Variants in TGFBI observed in about 807,000 individuals in gnomAD.
The protein encoded by TGFBI is transforming growth factor beta induced.
TGFBI carries 50 observed loss-of-function variants against 73.7 expected under a neutral mutation model. The ratio of observed to expected loss-of-function variants is 0.68; its 90% CI spans 0.54 to 0.86. The LOEUF is 0.86. Among genes scored for constraint, TGFBI ranks in the 40% least tolerant of loss-of-function variants. The pLI is 0.00. For synonymous variants in TGFBI, 362 were observed against 360.5 expected (o/e 1.00, Z -0.05); for missense variants, 839 against 877.0 (o/e 0.96, Z 0.55).
intron 7 of TGFBI, among the ~76,000 whole-genome samples, chr5:136,050,210 G>A (rs1427340673): frequency 6.6e-6 from 1 of 151,960 alleles, no homozygotes; most frequent in Non-Finnish European, 1.5e-5. Context: ...GTGGGCACCT[G>A]TAATCCCAGT....
At chr5:136,061,648 C>A (rs752861303) in intron 15 of TGFBI, 69 bp downstream of exon 15, 7 of 1,305,698 alleles carry the variant, frequency 5.4e-6, no homozygotes, top group African/African-American at 4.4e-5. Flanking sequence ...CATAGAGGAG[C>A]CTCTCCAGCC....
At chr5:136,056,141 T>G (rs1751627336) in intron 11 of TGFBI, among the ~76,000 whole-genome samples, 1 of 152,216 alleles carries the variant, frequency 6.6e-6, no homozygotes, top group African/African-American at 2.4e-5. Context: ...GCACATAGTT[T>G]ACAGTGCACG....
intron 2 of TGFBI, among the ~76,000 whole-genome samples, chr5:136,035,236 C>T (rs1751192439): frequency 6.6e-6 from 1 of 152,194 alleles, no homozygotes; most frequent in African/African-American, 2.4e-5. Flanking sequence ...ATTCAGCTAA[C>T]AGACACCCAG....
intron 1 of TGFBI, among the ~76,000 whole-genome samples, chr5:136,030,463 G>T (rs905508258): frequency 1.3e-5 from 2 of 152,104 alleles, no homozygotes; most frequent in African/African-American, 4.8e-5. Context: ...GGCCTGCTGG[G>T]AGCACATCTG....
chr5:136,056,457 A>G, intron 11 of TGFBI: 2 of 591,562 alleles, frequency 3.4e-6, no homozygotes, highest in Non-Finnish European at 5.9e-6. Context: ...AGAGCTTAGC[A>G]TTTTTGCTGG....
intron 3 of TGFBI, among the ~76,000 whole-genome samples, chr5:136,045,192 A>G (rs1751407173): frequency 6.6e-6 from 1 of 152,104 alleles, no homozygotes; most frequent in Non-Finnish European, 1.5e-5. Context: ...CGATCACCTG[A>G]GCCAAGAATT....
rs1311315252 is a variant in TGFBI, at chr5:136,055,771, C to T, written c.1502C>T (p.Pro501Leu). The T allele has an allele frequency of 1.2e-6, 2 of 1,612,596 alleles. No individual in the cohort carries two copies. The highest frequency in any genetic ancestry group is 2.2e-5 in the East Asian group (1 of 44,848). Reference sequence around the variant, plus strand: ...ACGATGGACCGGGTGCTGACCCCCCCAATGGGGACTGTCATGGATGTCCTG... The same window carrying T: ...ACGATGGACCGGGTGCTGACCCCCCTAATGGGGACTGTCATGGATGTCCTG... ...LFTMDRVLTP[P>L]MGTVMDVLKG... Residue 501 changes from proline to leucine, a missense_variant, in exon 11 of 17, where the codon CCA becomes CTA. Pro to Leu is a moderately conservative substitution (Grantham distance 98). Coordinates refer to ENST00000442011, the MANE Select transcript of TGFBI (RefSeq NM_000358.3).
chr5:136,035,576 G>A (rs1238648900), intron 2 of TGFBI, among the ~76,000 whole-genome samples: 4 of 144,240 alleles, frequency 2.8e-5, no homozygotes, highest in Admixed American at 7.1e-5. Context: ...AGTGAGCCAA[G>A]ATCGTGCCAC....
intron 9 of TGFBI, 124 bp downstream of exon 9, chr5:136,054,204 C>G (rs80030369): frequency 4.5e-6 from 6 of 1,338,636 alleles, no homozygotes; most frequent in Non-Finnish European, 6.1e-6. Flanking sequence ...CTCAGCTCAA[C>G]CAAAAGCAGA....
intron 1 of TGFBI, among the ~76,000 whole-genome samples, chr5:136,031,733 A>G (rs1751124021): frequency 6.6e-6 from 1 of 152,260 alleles, no homozygotes; most frequent in African/African-American, 2.4e-5. Flanking sequence ...CTTGGTTTTC[A>G]AATCTAAGCT....
chr5:136,032,466 A>T (rs1428826969), intron 1 of TGFBI, among the ~76,000 whole-genome samples: 1 of 152,220 alleles, frequency 6.6e-6, no homozygotes, highest in African/African-American at 2.4e-5. Context: ...AGGAATCATG[A>T]TGGGGACAGT....
At chr5:136,048,333 CTTACTGTTTAGATTTG>C (rs1751471994) in intron 6 of TGFBI, 1 of 152,266 alleles carries the variant, frequency 6.6e-6, no homozygotes, top group Admixed American at 6.5e-5. Context: ...ATCACCTCCT[CTTACTGTTTAGATTTG>C]GTAAATATTT....
chr5:136,049,299 T>C, intron 6 of TGFBI, 140 bp from the exon 7 acceptor site: 1 of 1,175,332 alleles, frequency 8.5e-7, no homozygotes, highest in Non-Finnish European at 1.2e-6. Context: ...ATGGGTGAGC[T>C]TGGGTTTGGC....
At position 136,055,760 on chromosome 5, in the gene TGFBI, G is replaced by A. The variant is rs376133587; in HGVS notation, c.1491G>A (p.Val497=). 1.1e-5 allele frequency: 17 copies of A among 1,612,832 alleles called. No homozygotes were observed. The highest frequency in any genetic ancestry group is 1.3e-5 in the African/African-American group (1 of 74,932). ...GGACCCTGTTCACGATGGACCGGGT[G>A]CTGACCCCCCCAATGGGGACTGTCA... The part of the protein sequence containing the change: ...RYGTLFTMDR[V]LTPPMGTVMD... Residue 497 remains valine (V), a synonymous_variant, in exon 11 of 17, where the codon GTG becomes GTA. Coordinates refer to ENST00000442011, the MANE Select transcript of TGFBI (RefSeq NM_000358.3).
At chr5:136,062,227 G>A (rs1319902572) in intron 15 of TGFBI, among the ~76,000 whole-genome samples, 2 of 152,190 alleles carry the variant, frequency 1.3e-5, no homozygotes, top group African/African-American at 4.8e-5. Flanking sequence ...CAGAAAGATT[G>A]CACTTCAAGA....
chr5:136,037,956 G>GA (rs1561606867), intron 2 of TGFBI, among the ~76,000 whole-genome samples: 1 of 151,758 alleles, frequency 6.6e-6, no homozygotes, highest in Non-Finnish European at 1.5e-5. Context: ...GTCCCAAGAG[G>GA]AAAAAAAAGA....
chr5:136,044,343 C>A (rs1431579161), intron 3 of TGFBI, among the ~76,000 whole-genome samples: 2 of 152,266 alleles, frequency 1.3e-5, no homozygotes, highest in African/African-American at 4.8e-5. Context: ...GCCTCCTTAC[C>A]ACACTGGTGG....
rs144234591 is a variant in TGFBI at position 136,031,364 on chromosome 5, T to A, written c.134+2175T>A. On this transcript the variant is annotated intron_variant, in intron 1 of 16. Coordinates refer to ENST00000442011, the MANE Select transcript of TGFBI (RefSeq NM_000358.3). ...ACTGTTAGAAAGGGAAGGAAAACTT[T>A]GCTATTTTAAGGAATTGTAGCGTGC... is the stretch of plus-strand genomic sequence containing the variant. 5.3e-5 allele frequency among the ~76,000 whole-genome samples: 8 copies of A among 152,336 alleles called. No individual in the cohort carries two copies. The East Asian group carries it at 1.3e-3, about 26-fold the overall frequency.
intron 6 of TGFBI, 60 bp from the exon 7 acceptor site, chr5:136,049,379 A>G: frequency 6.3e-7 from 1 of 1,585,888 alleles, no homozygotes; most frequent in Non-Finnish European, 8.6e-7. Context: ...CTGTGTGTGC[A>G]TCTTCTGTGG....
Sources: allele counts gnomAD v4.1 joint callset (sites outside exome capture counted in the v4.1 genomes callset), GRCh38; gene constraint gnomAD v4.1.1; transcripts MANE v1.5; gene names NCBI Gene and HGNC (gene_info 2026-07-23, HGNC 2026-07-21).